CDK10: variants seen among roughly 807,000 people sequenced by gnomAD.
CDK10 encodes cyclin dependent kinase 10.
A neutral mutation model predicts 51.0 loss-of-function variants in CDK10; 55 were observed. The observed-to-expected ratio is 1.08, with a 90% CI of 0.87 to 1.35. The LOEUF (loss-of-function observed/expected upper bound fraction) is 1.35, where lower values mean the gene tolerates loss of function less well. Among genes scored for constraint, CDK10 ranks in the 40% most tolerant of loss-of-function variants. CDK10 has a pLI of 0.00. For synonymous variants in CDK10, 255 were observed against 199.1 expected, an observed-to-expected ratio of 1.28 and a Z score of -2.36; for missense variants, 589 against 485.1, an observed-to-expected ratio of 1.21 and a Z score of -2.01.
chr16:89,695,233 TG>T, intron 11 of CDK10, 59 bp from the exon 12 acceptor site: 1 of 1,565,090 alleles, frequency 6.4e-7, no homozygotes, highest in Non-Finnish European at 8.7e-7. Flanking sequence ...GCTGCTCAGC[TG>T]GGTGGGAGGT....
Position 89,693,452 on chromosome 16 carries a change from A to C in CDK10, c.593A>C (p.Lys198Thr). The C allele has an allele frequency of 6.2e-7, 1 of 1,614,134 alleles. No individual in the cohort carries two copies. The highest frequency in any genetic ancestry group is 1.1e-5 in the South Asian group (1 of 91,084). The change falls in exon 8 of 13, where the codon AAG becomes ACG. Residue 198 changes from lysine (K) to threonine (T), a missense_variant. Transcript: ENST00000353379. ...YGVPVKPMTP[K>T]VVTLWYRAPE... is the part of the protein sequence containing the mutation. The stretch of plus-strand genomic sequence containing the variant: ...GTCCCAGTAAAGCCAATGACCCCCA[A>C]GGTGGTCACTCTCTGGTAAGTCCTT...
chr16:89,689,561 C>A, intron 2 of CDK10: 1 of 524,316 alleles, frequency 1.9e-6, no homozygotes. Flanking sequence ...CGTGTCACTG[C>A]AGAGTACACA....
At chr16:89,693,209 C>T in intron 6 of CDK10, 65 bp from the exon 7 acceptor site, 2 of 1,431,656 alleles carry the variant, frequency 1.4e-6, no homozygotes, top group Admixed American at 1.7e-5. Context: ...GGCATTGGTG[C>T]CGTGGGGGAG....
Position 89,693,315 on chromosome 16 carries a change from G to A in CDK10, c.527G>A (p.Cys176Tyr), listed in dbSNP as rs141041987. The change falls in exon 7 of 13, where the codon TGT becomes TAT. Residue 176 changes from cysteine (C) to tyrosine (Y), a missense_variant. Transcript: ENST00000353379. The part of the protein sequence containing the change: ...VSNLLMTDKG[C>Y]VKTADFGLAR... ...AACTTGCTCATGACCGACAAGGGTT[G>A]TGTGAAGACAGGTGGGTGCAACTTG... The A allele has an allele frequency of 1.2e-6, 2 of 1,614,062 alleles. No individual in the cohort carries two copies. Among genetic ancestry groups the A allele is most frequent in the Admixed American group, 1.7e-5 (1 of 59,998 alleles).
Position 89,693,315 on chromosome 16 carries a change from G to C in CDK10, c.527G>C (p.Cys176Ser), listed in dbSNP as rs141041987. 4.0e-4 allele frequency: 653 copies of C among 1,614,180 alleles called. No homozygotes were observed. The highest frequency in any genetic ancestry group is 3.8e-3 in the Middle Eastern group (23 of 6,062). Residue 176 changes from cysteine (C) to serine (S), a missense_variant, in exon 7 of 13, where the codon TGT (cysteine) becomes TCT (serine). Physicochemically the swap from Cys to Ser is moderately radical, Grantham distance 112 (BLOSUM62 -1). Coordinates refer to ENST00000353379, the MANE Select transcript of CDK10 (RefSeq NM_052988.5). ...VSNLLMTDKGCVKTADFGLAR... is the reference protein window; with the variant it reads ...VSNLLMTDKGSVKTADFGLAR... ...AACTTGCTCATGACCGACAAGGGTT[G>C]TGTGAAGACAGGTGGGTGCAACTTG...
rs765743835 is a variant in CDK10, at chr16:89,693,599, C to T, written c.608+132C>T. ...TACAGGGTCTGTGCACACTCAGAAA[C>T]GTTGGGTCTAGGACAGCCTCCAGGA... is the stretch of plus-strand genomic sequence containing the variant. On this transcript the variant is annotated intron_variant, in intron 8 of 12. Coordinates refer to ENST00000353379, the MANE Select transcript of CDK10 (RefSeq NM_052988.5). 1,409 of 886,830 alleles carry T rather than the reference C, an allele frequency of 1.6e-3. 20 individuals are homozygous for T. The highest frequency in any genetic ancestry group is 6.8e-4 in the Admixed American group (32 of 46,878). 54.9% of individuals were successfully genotyped at this position (886,830 alleles called of 1,614,324 possible).
intron 11 of CDK10, 68 bp from the exon 12 acceptor site, chr16:89,695,225 T>C: frequency 6.4e-7 from 1 of 1,556,130 alleles, no homozygotes; most frequent in Non-Finnish European, 8.7e-7. Flanking sequence ...AATCACAGGC[T>C]GCTCAGCTGG....
intron 1 of CDK10, 170 bp downstream of exon 1, chr16:89,686,967 G>A (rs2060217620): frequency 1.7e-6 from 1 of 574,862 alleles, no homozygotes; most frequent in Admixed American, 3.7e-5. Flanking sequence ...GGCGGGCTCA[G>A]GACCCCCGAC....
In CDK10 at chr16:89,695,640, A is replaced by G. The variant is rs1190880874; in HGVS notation, c.1031A>G (p.Lys344Arg). 1 of 1,605,558 alleles carries G rather than the reference A, an allele frequency of 6.2e-7. No homozygotes were observed. Residue 344 changes from lysine (K) to arginine (R), a missense_variant, in exon 13 of 13, where the codon AAG becomes AGG. Physicochemically the swap from Lys to Arg is conservative, Grantham distance 26. Transcript: ENST00000353379. ...LMPTFPHHRN[K>R]RAAPATSEGQ... The stretch of plus-strand genomic sequence containing the variant: ...CCGACCTTTCCCCACCACCGCAACA[A>G]GCGGGCCGCCCCAGCCACCTCCGAG...
intron 1 of CDK10, chr16:89,687,810 G>A (rs2060265943): frequency 2.9e-6 from 1 of 349,764 alleles, no homozygotes; most frequent in Non-Finnish European, 5.7e-6. Context: ...AGCACAAGCA[G>A]AGGATGTGAG....
rs2060564798 is a variant in CDK10, at chr16:89,693,776, G to A, written c.608+309G>A. On this transcript the variant is annotated intron_variant, in intron 8 of 12. Transcript: ENST00000353379. ...GGCTGCTTCACGGACTGAAGGACAG[G>A]CAGCTTGCATGCTTTCCCTGGTTCT... is the stretch of plus-strand genomic sequence containing the variant. 2.0e-5 allele frequency: 11 copies of A among 550,510 alleles called. No homozygotes were observed. In the South Asian group the frequency reaches 2.3e-4, roughly 12 times the overall value. The allele number at this position is 550,510 out of a possible 1,614,324, so 34.1% of individuals were successfully genotyped here.
In CDK10 at chr16:89,694,938, C is replaced by A. The variant is rs2060640969; in HGVS notation, c.800C>A (p.Ser267Tyr). ...TPSENIWPGF[S>Y]KLPLVGQYSL... ...AGCTCCTGCCTCCCATAGGGCTTTT[C>A]CAAGCTGCCACTGGTCGGCCAGTAC... The change falls in exon 11 of 13, where the codon TCC becomes TAC. Residue 267 changes from serine (S) to tyrosine (Y), a missense_variant. Physicochemically the swap from Ser to Tyr is moderately radical, Grantham distance 144 (BLOSUM62 -2). Transcript: ENST00000353379. 1 of 1,612,926 alleles carries A rather than the reference C, an allele frequency of 6.2e-7. No homozygotes were observed. Among genetic ancestry groups the A allele is most frequent in the African/African-American group, 1.3e-5 (1 of 74,930 alleles).
intron 5 of CDK10, 154 bp from the exon 6 acceptor site, chr16:89,692,295 G>A: frequency 1.8e-6 from 1 of 561,628 alleles, no homozygotes; most frequent in Non-Finnish European, 3.1e-6. Flanking sequence ...TGGGCTGCTG[G>A]GAGCGTGCAG....
chr16:89,695,243 G>T lies in CDK10; in HGVS notation c.933-50G>T, dbSNP rs372950586. On this transcript the variant is annotated intron_variant, in intron 11 of 12. Transcript: ENST00000353379. ...CACAGGCTGCTCAGCTGGGTGGGAG[G>T]TGAGGAAGCCGCACTCACAAGTCGC... 1.5e-5 allele frequency: 23 copies of T among 1,576,162 alleles called. No homozygotes were observed. The African/African-American group carries it at 3.0e-4, about 20-fold the overall frequency.
chr16:89,687,799 G>C (rs555259443), intron 1 of CDK10: 75 of 353,274 alleles, frequency 2.1e-4, no homozygotes, highest in Middle Eastern at 1.5e-3. Context: ...GTGTCGAGAA[G>C]AGCACAAGCA....
Position 89,694,226 on chromosome 16 carries a change from A to T in CDK10, c.662A>T (p.Asp221Val), listed in dbSNP as rs759103825. ...LGTTTQTTSI[D>V]MWAVGCILAE... Reference sequence around the variant, plus strand: ...ACCACCACGCAGACCACCAGCATCGACATGTGGTGAGGAGATACGGTTACC... The same window carrying T: ...ACCACCACGCAGACCACCAGCATCGTCATGTGGTGAGGAGATACGGTTACC... Residue 221 changes from aspartate (D) to valine (V), a missense_variant, in exon 9 of 13, where the codon GAC becomes GTC. Coordinates refer to ENST00000353379, the MANE Select transcript of CDK10 (RefSeq NM_052988.5). 2 of 1,613,836 alleles carry T rather than the reference A, an allele frequency of 1.2e-6. No homozygotes were observed. The highest frequency in any genetic ancestry group is 1.7e-6 in the Non-Finnish European group (2 of 1,179,848).
rs1271262468 is a variant in CDK10, at chr16:89,694,650, C to A, written c.669-15C>A. On this transcript the variant is annotated splice_polypyrimidine_tract_variant and intron_variant, in intron 9 of 12. Coordinates refer to ENST00000353379, the MANE Select transcript of CDK10 (RefSeq NM_052988.5). ...GCAGACGTCTGGCCGCAGTGAGGTC[C>A]ACTGTTCTCTGCAGGGCTGTGGGCT... 2.5e-6 allele frequency: 4 copies of A among 1,582,718 alleles called. No homozygotes were observed. Among genetic ancestry groups the A allele is most frequent in the Non-Finnish European group, 3.4e-6 (4 of 1,166,102 alleles).
chr16:89,694,335 A>G, intron 9 of CDK10, 103 bp downstream of exon 9: 1 of 1,244,846 alleles, frequency 8.0e-7, no homozygotes, highest in Non-Finnish European at 1.2e-6. Context: ...GCAGGAGTGC[A>G]GTGGGGTCTT....
chr16:89,693,914 G>T (rs1009224662), intron 8 of CDK10: 7 of 593,106 alleles, frequency 1.2e-5, no homozygotes, highest in Non-Finnish European at 2.1e-5. Context: ...CTGAGAACGG[G>T]TTGGTAGTGG....
Sources: allele counts gnomAD v4.1 joint callset, GRCh38; gene constraint gnomAD v4.1.1; transcripts MANE v1.5; gene names NCBI Gene and HGNC (gene_info 2026-07-23, HGNC 2026-07-21).